Variants in ATF6 observed in about 807,000 individuals in gnomAD.
The protein encoded by ATF6 is cyclic AMP-dependent transcription factor ATF-6 alpha.
Under a neutral mutation model 83.6 loss-of-function variants are expected in ATF6, and 53 were observed. That is an observed-to-expected ratio of 0.63 (90% CI 0.51 to 0.80). The LOEUF is 0.80. ATF6 is among the 30% of genes least tolerant of loss of function. ATF6 has a pLI of 0.00. For missense variants in ATF6, 744 were observed against 797.9 expected (o/e 0.93, Z 0.81); for synonymous variants, 288 against 285.8 (o/e 1.01, Z -0.08).
intron 6 of ATF6, among the ~76,000 whole-genome samples, chr1:161,798,996 G>C (rs1005098119): frequency 3.9e-5 from 6 of 152,198 alleles, no homozygotes; most frequent in African/African-American, 1.2e-4. Flanking sequence ...TACATTGCTG[G>C]TGGGAATGTA....
intron 15 of ATF6, among the ~76,000 whole-genome samples, chr1:161,943,132 G>C (rs186491241): frequency 6.6e-6 from 1 of 152,166 alleles, no homozygotes; most frequent in Admixed American, 6.5e-5. Flanking sequence ...GGAATTACAG[G>C]CATGAGCTAC....
intron 14 of ATF6, among the ~76,000 whole-genome samples, chr1:161,896,928 T>G (rs1471370089): frequency 1.3e-5 from 2 of 152,190 alleles, no homozygotes; most frequent in Non-Finnish European, 1.5e-5. Flanking sequence ...ATCTTCCATT[T>G]CAGGCTAGTG....
intron 6 of ATF6, among the ~76,000 whole-genome samples, chr1:161,795,755 A>G (rs1463889835): frequency 6.6e-6 from 1 of 152,242 alleles, no homozygotes; most frequent in Admixed American, 6.5e-5. Context: ...TAGGAACAGT[A>G]GTAACTATGT....
intron 14 of ATF6, among the ~76,000 whole-genome samples, chr1:161,871,552 T>G (rs1405348774): frequency 6.6e-6 from 1 of 151,672 alleles, no homozygotes; most frequent in Non-Finnish European, 1.5e-5. Context: ...TCTCATCAAA[T>G]TTTTTGTAAT....
intron 4 of ATF6, 101 bp downstream of exon 4, chr1:161,784,197 T>C: frequency 1.3e-6 from 1 of 788,202 alleles, no homozygotes; most frequent in Non-Finnish European, 2.1e-6. Context: ...CTACTATGAG[T>C]TATATTGTCT....
chr1:161,801,907 A>G (rs908928944), intron 6 of ATF6, 145 bp from the exon 7 acceptor site: 8 of 677,572 alleles, frequency 1.2e-5, no homozygotes, highest in East Asian at 2.7e-5. Context: ...GTGTGCTGCT[A>G]TTGATCCAAT....
chr1:161,924,013 A>G (rs1447043327), intron 15 of ATF6, among the ~76,000 whole-genome samples: 2 of 152,216 alleles, frequency 1.3e-5, no homozygotes, highest in Non-Finnish European at 2.9e-5. Context: ...TTTATTTTTT[A>G]ATGTTAAGCT....
intron 14 of ATF6, among the ~76,000 whole-genome samples, chr1:161,908,863 C>G (rs186435564): frequency 2.0e-5 from 3 of 152,082 alleles, no homozygotes; most frequent in Admixed American, 1.3e-4. Flanking sequence ...AATTTTACCT[C>G]CAGAATTGAA....
At chr1:161,810,675 A>G (rs1487462290) in intron 7 of ATF6, among the ~76,000 whole-genome samples, 5 of 152,040 alleles carry the variant, frequency 3.3e-5, no homozygotes, top group African/African-American at 1.2e-4. Context: ...TTTGAACTGT[A>G]CAATTTAGTG....
intron 12 of ATF6, among the ~76,000 whole-genome samples, chr1:161,855,948 A>G (rs933031395): frequency 6.6e-6 from 1 of 152,210 alleles, no homozygotes; most frequent in African/African-American, 2.4e-5. Flanking sequence ...GGAAGTGAAG[A>G]AAATTATTTC....
At chr1:161,875,922 C>G (rs1416612433) in intron 14 of ATF6, among the ~76,000 whole-genome samples, 1 of 151,860 alleles carries the variant, frequency 6.6e-6, no homozygotes, top group Non-Finnish European at 1.5e-5. Flanking sequence ...TCAAAGACTT[C>G]CTTCAATTAC....
intron 7 of ATF6, among the ~76,000 whole-genome samples, chr1:161,814,859 CTA>C (rs1304261048): frequency 2.6e-5 from 4 of 152,084 alleles, no homozygotes; most frequent in African/African-American, 4.8e-5. Context: ...ATGATTTTAA[CTA>C]TGTGTGTTTT....
intron 12 of ATF6, among the ~76,000 whole-genome samples, chr1:161,854,407 A>G (rs1686709646): frequency 6.6e-6 from 1 of 152,230 alleles, no homozygotes; most frequent in South Asian, 2.1e-4. Flanking sequence ...TTTAAGAATC[A>G]GGCCTGGCTT....
intron 9 of ATF6, among the ~76,000 whole-genome samples, chr1:161,823,240 A>C (rs1352733145): frequency 4.6e-5 from 7 of 152,144 alleles, no homozygotes; most frequent in African/African-American, 1.4e-4. Flanking sequence ...TAACATAAAT[A>C]ACATGTTAAT....
chr1:161,924,096 A>G (rs1688265094), intron 15 of ATF6, among the ~76,000 whole-genome samples: 1 of 152,218 alleles, frequency 6.6e-6, no homozygotes, highest in Admixed American at 6.5e-5. Context: ...GCCACTTCAT[A>G]TAATCTCAAG....
chr1:161,812,469 TGCAAGCTCCGCCTCCCG>T, intron 7 of ATF6, among the ~76,000 whole-genome samples: 1 of 125,396 alleles, frequency 8.0e-6, no homozygotes. Flanking sequence ...CTCGGCTCAC[TGCAAGCTCCGCCTCCCG>T]GGTTCACGCC....
chr1:161,825,220 G>A (rs1186669458), intron 9 of ATF6, among the ~76,000 whole-genome samples: 1 of 152,084 alleles, frequency 6.6e-6, no homozygotes, highest in African/African-American at 2.4e-5. Flanking sequence ...GGGACTACAG[G>A]TGCACCTCAC....
chr1:161,959,445 T>C lies in ATF6; in HGVS notation c.*791T>C, dbSNP rs2997506. The C allele has an allele frequency of 0.93, 141,789 of 152,100 alleles. 66,220 individuals are homozygous for C. Among genetic ancestry groups the C allele is most frequent in the East Asian group, 1 (5,167 of 5,180 alleles). The allele number at this position is 152,100 out of a possible 1,614,324, so 9.4% of individuals were successfully genotyped here. On this transcript the variant is annotated 3_prime_UTR_variant, in exon 16 of 16. Coordinates refer to ENST00000367942, the MANE Select transcript of ATF6 (RefSeq NM_007348.4). Reference sequence around the variant, plus strand: ...CAGCACTTTGGGAGGCCGAGGCGGGTGGATCACGAGGTCAGGAGATCAAGA... The same window carrying C: ...CAGCACTTTGGGAGGCCGAGGCGGGCGGATCACGAGGTCAGGAGATCAAGA...
At chr1:161,901,345 A>G (rs1687781783) in intron 14 of ATF6, among the ~76,000 whole-genome samples, 1 of 152,020 alleles carries the variant, frequency 6.6e-6, no homozygotes, top group Non-Finnish European at 1.5e-5. Context: ...CAAATGGCCA[A>G]TAGCACATAA....
Sources: allele counts gnomAD v4.1 joint callset (sites outside exome capture counted in the v4.1 genomes callset), GRCh38; gene constraint gnomAD v4.1.1; transcripts MANE v1.5; gene names NCBI Gene and HGNC (gene_info 2026-07-23, HGNC 2026-07-21).